GMDS: variants seen among roughly 807,000 people sequenced by gnomAD.
The protein encoded by GMDS is GDP-mannose 4,6-dehydratase, also known as GDP-mannose 4,6 dehydratase.
In GMDS, 20 loss-of-function variants were observed where a neutral mutation model predicts 49.9. The ratio of observed to expected loss-of-function variants is 0.40; its 90% CI spans 0.28 to 0.58. The LOEUF (loss-of-function observed/expected upper bound fraction) is 0.58. GMDS is among the 20% of genes least tolerant of loss of function. The probability of loss-of-function intolerance (pLI) is 0.42; values close to 1 mark genes in which losing one functional copy is unlikely to be tolerated. For synonymous variants in GMDS, 177 were observed against 178.6 expected, an observed-to-expected ratio of 0.99 and a Z score of 0.07; for missense variants, 362 against 481.4, an observed-to-expected ratio of 0.75 and a Z score of 2.32.
At chr6:2,179,692 T>C (rs1778434219) in intron 1 of GMDS, among the ~76,000 whole-genome samples, 1 of 152,198 alleles carries the variant, frequency 6.6e-6, no homozygotes. Context: ...TAGTATTTTG[T>C]TACAGTAGCA....
intron 4 of GMDS, among the ~76,000 whole-genome samples, chr6:2,019,105 G>T (rs1405841015): frequency 2.0e-5 from 3 of 150,706 alleles, no homozygotes; most frequent in African/African-American, 7.3e-5. Context: ...TGTGCTTATT[G>T]ACCACTGAGA....
chr6:1,675,745 C>T (rs538200179), intron 9 of GMDS, among the ~76,000 whole-genome samples: 12 of 151,488 alleles, frequency 7.9e-5, no homozygotes, highest in South Asian at 4.2e-4. Flanking sequence ...CCCAGCTACT[C>T]GGGAAGCTGA....
chr6:2,118,128 C>A (rs1390480852), intron 2 of GMDS, among the ~76,000 whole-genome samples: 1 of 151,806 alleles, frequency 6.6e-6, no homozygotes, highest in African/African-American at 2.4e-5. Context: ...CGATTTAAGA[C>A]CTAAAGAAAA....
chr6:2,072,015 C>T (rs545407563), intron 4 of GMDS, among the ~76,000 whole-genome samples: 6 of 152,182 alleles, frequency 3.9e-5, no homozygotes, highest in South Asian at 2.1e-4. Context: ...TCTTTATTAG[C>T]GAAGAAACCC....
At chr6:2,032,084 C>A (rs893851000) in intron 4 of GMDS, among the ~76,000 whole-genome samples, 1 of 152,066 alleles carries the variant, frequency 6.6e-6, no homozygotes, top group Non-Finnish European at 1.5e-5. Context: ...GAAGTTAGAA[C>A]CTCTCAATGA....
chr6:2,043,941 G>A (rs1769841663), intron 4 of GMDS, among the ~76,000 whole-genome samples: 1 of 152,074 alleles, frequency 6.6e-6, no homozygotes, highest in Admixed American at 6.6e-5. Flanking sequence ...AGACATACGT[G>A]TGGCCAACAA....
chr6:1,984,869 G>C (rs960320306), intron 4 of GMDS, among the ~76,000 whole-genome samples: 1 of 152,084 alleles, frequency 6.6e-6, no homozygotes, highest in Non-Finnish European at 1.5e-5. Context: ...GGCATGACTG[G>C]GTAGGAATGG....
At chr6:1,756,268 T>G (rs1469748138) in intron 7 of GMDS, among the ~76,000 whole-genome samples, 1 of 151,672 alleles carries the variant, frequency 6.6e-6, no homozygotes, top group Non-Finnish European at 1.5e-5. Flanking sequence ...TGTTCTGGTT[T>G]TTTTTTTTTT....
intron 8 of GMDS, among the ~76,000 whole-genome samples, chr6:1,733,645 T>C (rs954059429): frequency 3.9e-5 from 6 of 152,076 alleles, no homozygotes; most frequent in African/African-American, 7.2e-5. Context: ...GGTGAAACCA[T>C]GTTAGGTCTC....
chr6:1,691,306 C>G (rs1765160808), intron 9 of GMDS, among the ~76,000 whole-genome samples: 1 of 150,828 alleles, frequency 6.6e-6, no homozygotes, highest in Non-Finnish European at 1.5e-5. Context: ...GGGAGCTGAA[C>G]AATGAGAACA....
intron 8 of GMDS, among the ~76,000 whole-genome samples, chr6:1,741,024 A>G (rs955671684): frequency 1.3e-5 from 2 of 152,106 alleles, no homozygotes; most frequent in African/African-American, 4.8e-5. Flanking sequence ...TCTTTTTCTG[A>G]GTGTTCTTAT....
At chr6:2,002,699 A>T (rs550854577) in intron 4 of GMDS, among the ~76,000 whole-genome samples, 14 of 152,300 alleles carry the variant, frequency 9.2e-5, no homozygotes, top group Admixed American at 8.5e-4. Flanking sequence ...TCTGAGCTGA[A>T]AATCCATGCA....
chr6:1,933,794 C>T (rs1762402279), intron 6 of GMDS, among the ~76,000 whole-genome samples: 1 of 152,154 alleles, frequency 6.6e-6, no homozygotes, highest in Non-Finnish European at 1.5e-5. Context: ...ATATAATTTG[C>T]AAAGATTTTC....
intron 7 of GMDS, among the ~76,000 whole-genome samples, chr6:1,908,551 T>A (rs1481123842): frequency 6.6e-6 from 1 of 152,220 alleles, no homozygotes; most frequent in Non-Finnish European, 1.5e-5. Context: ...AAAAGTGGCA[T>A]AATTTTAATT....
At chr6:1,713,450 G>C (rs1026486477) in intron 9 of GMDS, among the ~76,000 whole-genome samples, 3 of 152,208 alleles carry the variant, frequency 2.0e-5, no homozygotes, top group Non-Finnish European at 4.4e-5. Context: ...TCTCCGCCCC[G>C]TGGCTCCCTC....
chr6:1,680,234 C>A (rs1040121258), intron 9 of GMDS, among the ~76,000 whole-genome samples: 2 of 152,190 alleles, frequency 1.3e-5, no homozygotes, highest in Admixed American at 1.3e-4. Flanking sequence ...TGAGGCATTT[C>A]TCTGTGCTAC....
chr6:1,816,064 C>G (rs895006081), intron 7 of GMDS, among the ~76,000 whole-genome samples: 1 of 152,226 alleles, frequency 6.6e-6, no homozygotes, highest in African/African-American at 2.4e-5. Flanking sequence ...GCTCACTGCC[C>G]CACCAGTGAG....
intron 7 of GMDS, among the ~76,000 whole-genome samples, chr6:1,837,044 G>A (rs575693674): frequency 3.9e-5 from 6 of 152,268 alleles, no homozygotes; most frequent in South Asian, 4.2e-4. Flanking sequence ...TTGCAATTAC[G>A]TTCATACAAA....
intron 9 of GMDS, among the ~76,000 whole-genome samples, chr6:1,724,135 G>T (rs1313566188): frequency 6.6e-6 from 1 of 152,210 alleles, no homozygotes; most frequent in Non-Finnish European, 1.5e-5. Flanking sequence ...TGAAATTAAT[G>T]CAGCCTAGAG....
Sources: gnomAD v4.1 joint callset for allele counts (sites outside exome capture counted in the v4.1 genomes callset) on GRCh38, gnomAD v4.1.1 for gene constraint, MANE v1.5 for transcripts, NCBI Gene and HGNC (gene_info 2026-07-23, HGNC 2026-07-21) for gene names.